PRH1: variants seen among roughly 807,000 people sequenced by gnomAD.
PRH1 encodes the protein salivary acidic proline-rich phosphoprotein 1/2.
A neutral mutation model predicts 7.9 loss-of-function variants in PRH1; 7 were observed. The observed-to-expected ratio is 0.89, with a 90% CI of 0.50 to 1.67. The LOEUF is 1.67. Among genes scored for constraint, PRH1 ranks in the 40% most tolerant of loss-of-function variants. PRH1 has a pLI of 0.00. For missense variants in PRH1, 109 were observed against 223.6 expected, an observed-to-expected ratio of 0.49 and a Z score of 3.27; for synonymous variants, 45 against 80.8, an observed-to-expected ratio of 0.56 and a Z score of 2.38.
chr12:10,884,169 G>A lies in PRH1; in HGVS notation c.49C>T (p.Gln17Ter), dbSNP rs1453570147. 6.2e-7 allele frequency: 1 copy of A among 1,614,024 alleles called. No homozygotes were observed. The highest frequency in any genetic ancestry group is 8.5e-7 in the Non-Finnish European group (1 of 1,180,004). The part of the protein sequence containing the change: ...SVALLAFSSA[Q>*]DLNEDVSQED... ...TTCATCTTACCTTCATTTAAATCCT[G>A]AGCTGAGCTGAAGGCCAGCAGGGCC... The change falls in exon 1 of 4, where the codon CAG becomes TAG. Residue 17 changes from glutamine to a stop codon, truncating the protein, a stop_gained. Coordinates refer to ENST00000543626, the MANE Select transcript of PRH1 (RefSeq NM_001393989.1). LOFTEE classifies it high-confidence loss of function.
intron 1 of PRH1, chr12:10,997,845 T>C: frequency 1.2e-6 from 2 of 1,602,218 alleles, no homozygotes; most frequent in South Asian, 2.3e-5. Context: ...ACTACTAGAA[T>C]GGAAAAAACA....
At chr12:11,103,457 C>A (rs149849155) in intron 1 of PRH1, among the ~76,000 whole-genome samples, 1 of 149,946 alleles carries the variant, frequency 6.7e-6, no homozygotes, top group East Asian at 2.0e-4. Flanking sequence ...CCAAACTCCA[C>A]GTGTTCTCAC....
At chr12:10,898,382 G>A (rs769282096) in intron 2 of PRH1, among the ~76,000 whole-genome samples, 16 of 152,140 alleles carry the variant, frequency 1.1e-4, no homozygotes, top group Non-Finnish European at 1.9e-4. Flanking sequence ...TAAAAGAAAG[G>A]CTAATTGTGA....
intron 1 of PRH1, among the ~76,000 whole-genome samples, chr12:11,139,647 A>G (rs927503126): frequency 6.6e-6 from 1 of 152,174 alleles, no homozygotes; most frequent in African/African-American, 2.4e-5. Flanking sequence ...ATAGTATTCC[A>G]TTGTATAAGT....
chr12:10,969,019 T>A (rs886876224), intron 2 of PRH1, among the ~76,000 whole-genome samples: 2 of 152,224 alleles, frequency 1.3e-5, no homozygotes, highest in Admixed American at 1.3e-4. Context: ...TGAGCTCTTG[T>A]CCAGCTTCCA....
At chr12:10,903,366 C>A (rs1475089240) in intron 2 of PRH1, among the ~76,000 whole-genome samples, 1 of 152,070 alleles carries the variant, frequency 6.6e-6, no homozygotes, top group Non-Finnish European at 1.5e-5. Flanking sequence ...GAAACAAGTA[C>A]CTCCAAACCT....
chr12:11,036,625 A>C (rs909601656), intron 1 of PRH1, among the ~76,000 whole-genome samples: 8 of 152,258 alleles, frequency 5.3e-5, no homozygotes, highest in African/African-American at 1.9e-4. Context: ...ATTGAAGGTC[A>C]TCCATAAATA....
In PRH1 at chr12:10,923,042, A is replaced by G. The variant is rs1293038301; in HGVS notation, c.-58-38767T>C. The stretch of plus-strand genomic sequence containing the variant: ...ACGGGGTTTCACCTTGTTAGCCAGG[A>G]TGGTCTCGATCTCCTGACCTCATGA... On this transcript the variant is annotated intron_variant, in intron 2 of 3. Coordinates refer to the PRH1 transcript ENST00000539853. 2.0e-5 allele frequency among the ~76,000 whole-genome samples: 3 copies of G among 149,440 alleles called. No homozygotes were observed. The East Asian group carries it at 5.9e-4, about 29-fold the overall frequency.
intron 1 of PRH1, chr12:11,078,257 A>C (rs185231216): frequency 0.012 from 3,811 of 324,716 alleles, 108 homozygotes; most frequent in Non-Finnish European, 0.015. Context: ...GAACAGACAA[A>C]AAGAAAAAAA....
chr12:11,012,604 G>A (rs1199260618), intron 1 of PRH1, among the ~76,000 whole-genome samples: 1 of 151,994 alleles, frequency 6.6e-6, no homozygotes, highest in Non-Finnish European at 1.5e-5. Context: ...TTGCTCTGTC[G>A]CCTAGGCTGG....
At chr12:10,897,410 A>C (rs985915613) in intron 2 of PRH1, among the ~76,000 whole-genome samples, 20 of 152,184 alleles carry the variant, frequency 1.3e-4, no homozygotes, top group Non-Finnish European at 2.6e-4. Flanking sequence ...CCAGTTGTTC[A>C]TAACTTTCTG....
At chr12:10,945,435 A>C (rs145237482) in intron 2 of PRH1, among the ~76,000 whole-genome samples, 3,005 of 152,256 alleles carry the variant, frequency 0.02, 35 homozygotes, top group South Asian at 0.032. Flanking sequence ...TGGCAGGTTC[A>C]GTGATGCCCC....
At position 11,142,987 on chromosome 12, in the gene PRH1, A is replaced by G. The variant is rs77826860; in HGVS notation, n.40-21807T>C. Among the ~76,000 whole-genome samples the G allele has an allele frequency of 7.6e-3, 1,158 of 152,338 alleles. 10 individuals are homozygous for G. Among genetic ancestry groups the G allele is most frequent in the Non-Finnish European group, 0.011 (745 of 68,026 alleles). ...CAGAAAGAAAAGGGCATTAATGAGC[A>G]ATATGTAATCACCTAAAGCTATAAA... On this transcript the variant is annotated intron_variant and non_coding_transcript_variant, in intron 1 of 1. Transcript: ENST00000541175.
intron 1 of PRH1, among the ~76,000 whole-genome samples, chr12:11,144,146 A>T (rs1386813172): frequency 1.3e-5 from 2 of 152,068 alleles, no homozygotes; most frequent in African/African-American, 4.8e-5. Context: ...GTGGCCCTAG[A>T]TCTCCCAGAA....
chr12:10,991,094 A>G (rs1292911452), intron 1 of PRH1, among the ~76,000 whole-genome samples: 1 of 152,218 alleles, frequency 6.6e-6, no homozygotes, highest in Non-Finnish European at 1.5e-5. Context: ...GAGCTGAAGA[A>G]TTAAATATTG....
intron 2 of PRH1, among the ~76,000 whole-genome samples, chr12:10,959,314 A>G (rs1229821074): frequency 4.0e-4 from 55 of 137,882 alleles, no homozygotes; most frequent in Non-Finnish European, 2.5e-4. Flanking sequence ...ATCCAAATGA[A>G]GATGTCAAAT....
intron 1 of PRH1, among the ~76,000 whole-genome samples, chr12:11,121,817 CATTG>C (rs1284483898): frequency 5.9e-5 from 9 of 152,084 alleles, no homozygotes; most frequent in African/African-American, 1.7e-4. Context: ...ACATTCTCCT[CATTG>C]ATTTAGAGTT....
chr12:10,978,007 C>T (rs1939183466), intron 1 of PRH1, among the ~76,000 whole-genome samples: 1 of 151,126 alleles, frequency 6.6e-6, no homozygotes, highest in Non-Finnish European at 1.5e-5. Flanking sequence ...AGATTCAGTG[C>T]TATTTCTGAC....
intron 2 of PRH1, among the ~76,000 whole-genome samples, chr12:10,903,932 A>AAAAAAAAAAAAAAAAAAC (rs1949762127): frequency 2.0e-5 from 2 of 101,394 alleles, no homozygotes; most frequent in African/African-American, 1.3e-4. Flanking sequence ...CAATAGCCTC[A>AAAAAAAAAAAAAAAAAAC]AAAAAAAAAA....
Sources: allele counts gnomAD v4.1 joint callset (sites outside exome capture counted in the v4.1 genomes callset), GRCh38; gene constraint gnomAD v4.1.1; transcripts MANE v1.5; gene names NCBI Gene and HGNC (gene_info 2026-07-23, HGNC 2026-07-21).